Variants in TENM3 observed in about 807,000 individuals in gnomAD.
TENM3 encodes teneurin transmembrane protein 3.
Under a neutral mutation model 255.1 loss-of-function variants are expected in TENM3, and 63 were observed. That is an observed-to-expected ratio of 0.25 (90% confidence interval 0.20 to 0.30). The LOEUF is 0.30. Among genes scored for constraint, TENM3 ranks in the 10% least tolerant of loss-of-function variants. The probability of loss-of-function intolerance (pLI) is 1.00; values close to 1 mark genes in which losing one functional copy is unlikely to be tolerated. For synonymous variants in TENM3, 1,306 were observed against 1,322.3 expected (o/e 0.99, Z 0.27); for missense variants, 2,929 against 3,461.1 (o/e 0.85, Z 3.86).
chr4:181,888,922 C>T, the TENM3 span, among the ~76,000 whole-genome samples: 21 of 151,836 alleles, frequency 1.4e-4, no homozygotes, highest in South Asian at 4.2e-4. Context: ...GATTAGTAGA[C>T]GCCCACCCTC....
At chr4:181,586,272 A>C in the TENM3 span, among the ~76,000 whole-genome samples, 1 of 152,188 alleles carries the variant, frequency 6.6e-6, no homozygotes, top group Non-Finnish European at 1.5e-5. Flanking sequence ...ATAGTGGAAC[A>C]TCCTTAGCAT....
the TENM3 span, among the ~76,000 whole-genome samples, chr4:181,703,456 A>G: frequency 6.6e-6 from 1 of 152,224 alleles, no homozygotes; most frequent in Non-Finnish European, 1.5e-5. Context: ...TAAGAGGGGA[A>G]CTAGATAAGA....
At chr4:182,457,693 G>A (rs1365581900) in intron 3 of TENM3, among the ~76,000 whole-genome samples, 5 of 151,772 alleles carry the variant, frequency 3.3e-5, no homozygotes, top group East Asian at 1.9e-4. Flanking sequence ...CAATGGTTGG[G>A]ACCACAGGTG....
chr4:182,455,862 T>C (rs1773836286), intron 3 of TENM3, among the ~76,000 whole-genome samples: 1 of 152,066 alleles, frequency 6.6e-6, no homozygotes, highest in Non-Finnish European at 1.5e-5. Flanking sequence ...GCACCCGGCC[T>C]TGCACAGCAT....
In TENM3 at chr4:182,621,777, A is replaced by G. The variant is rs1447557070; in HGVS notation, c.750-6874A>G. Among the ~76,000 whole-genome samples, 8 of 76,460 alleles carry G rather than the reference A, an allele frequency of 1.0e-4. 1 individual carries two copies. Among genetic ancestry groups the G allele is most frequent in the African/African-American group, 3.6e-4 (7 of 19,672 alleles). 50.2% of individuals were successfully genotyped at this position (76,460 alleles called of 152,430 possible). A position where few individuals can be genotyped will look rare whatever the true frequency, so the allele number is the denominator to read the frequency against. ...ATAATATATAATAATTATATATTAT[A>G]TATAATTATATATATAATATATAAT... is the stretch of plus-strand genomic sequence containing the variant. On this transcript the variant is annotated intron_variant, in intron 4 of 27. Transcript: ENST00000511685.
At chr4:181,962,609 C>T in the TENM3 span, among the ~76,000 whole-genome samples, 1 of 152,240 alleles carries the variant, frequency 6.6e-6, no homozygotes, top group Non-Finnish European at 1.5e-5. Flanking sequence ...TATTATCTTA[C>T]ATGTGATAAA....
the TENM3 span, among the ~76,000 whole-genome samples, chr4:181,741,695 G>A: frequency 3.3e-5 from 5 of 152,224 alleles, no homozygotes; most frequent in Non-Finnish European, 4.4e-5. Context: ...CATTCATTAC[G>A]AAATGGGGCC....
chr4:181,910,950 A>G, the TENM3 span, among the ~76,000 whole-genome samples: 14 of 152,186 alleles, frequency 9.2e-5, no homozygotes, highest in African/African-American at 3.1e-4. Flanking sequence ...TGCTATTATC[A>G]ATGTTGCTGC....
the TENM3 span, among the ~76,000 whole-genome samples, chr4:181,604,222 G>A: frequency 1.2e-4 from 18 of 152,042 alleles, no homozygotes; most frequent in South Asian, 6.2e-4. Context: ...CCGAGATCGC[G>A]CCACAGCACT....
At chr4:181,929,988 A>G in the TENM3 span, among the ~76,000 whole-genome samples, 1 of 152,238 alleles carries the variant, frequency 6.6e-6, no homozygotes, top group African/African-American at 2.4e-5. Flanking sequence ...GAACAAAGAT[A>G]CAATGTACTA....
chr4:182,082,254 C>T, the TENM3 span, among the ~76,000 whole-genome samples: 5 of 152,160 alleles, frequency 3.3e-5, no homozygotes, highest in Non-Finnish European at 5.9e-5. Flanking sequence ...CATGTCCTCA[C>T]ATGGCAGAAA....
At chr4:182,454,282 CTGAT>C (rs372108042) in intron 3 of TENM3, among the ~76,000 whole-genome samples, 7 of 152,226 alleles carry the variant, frequency 4.6e-5, no homozygotes, top group African/African-American at 1.7e-4. Context: ...ATTATTTCCT[CTGAT>C]TGTAGATCGT....
the TENM3 span, among the ~76,000 whole-genome samples, chr4:181,676,618 T>A: frequency 6.6e-6 from 1 of 152,106 alleles, no homozygotes; most frequent in African/African-American, 2.4e-5. Context: ...GGATCATATC[T>A]TCATTACTAA....
intron 23 of TENM3, 29 bp from the exon 24 acceptor site, chr4:182,774,889 G>C (rs1395582924): frequency 6.6e-7 from 1 of 1,511,900 alleles, no homozygotes; most frequent in Non-Finnish European, 9.1e-7. Context: ...ATATCTAATA[G>C]TTCATGTTTT....
chr4:182,161,957 GTGTATATATATATA>G (rs1224726814), intron 1 of TENM3, among the ~76,000 whole-genome samples: 7,701 of 43,876 alleles, frequency 0.18, 1,324 homozygotes, highest in Admixed American at 0.36. Context: ...GTGTGTGTGT[GTGTATATATATATA>G]TATATATATA....
At chr4:182,414,574 A>C in intron 3 of TENM3, among the ~76,000 whole-genome samples, 1 of 152,218 alleles carries the variant, frequency 6.6e-6, no homozygotes, top group East Asian at 1.9e-4. Context: ...TCCAAAAATT[A>C]CCATAGCAGT....
At chr4:182,107,002 G>A in the TENM3 span, among the ~76,000 whole-genome samples, 15 of 152,164 alleles carry the variant, frequency 9.9e-5, no homozygotes, top group East Asian at 1.9e-4. Context: ...CTTACCTCCC[G>A]TCAAATGCCT....
rs1753522562 is a variant in TENM3, at chr4:182,653,717, C to T, written c.989-54C>T. The stretch of plus-strand genomic sequence containing the variant: ...TTGTTTTAAACATGCTTAGCAATTG[C>T]CGTTGTAGCTGAAGGCAGCAGATCT... On this transcript the variant is annotated intron_variant, in intron 5 of 27. Coordinates refer to ENST00000511685, the MANE Select transcript of TENM3 (RefSeq NM_001080477.4). 3.3e-6 allele frequency: 5 copies of T among 1,527,420 alleles called. No individual in the cohort carries two copies. The South Asian group carries it at 6.4e-5, about 20-fold the overall frequency. 94.6% of individuals were successfully genotyped at this position (1,527,420 alleles called of 1,614,324 possible).
the TENM3 span, among the ~76,000 whole-genome samples, chr4:181,990,572 A>C: frequency 1.6e-4 from 24 of 152,218 alleles, no homozygotes; most frequent in African/African-American, 4.8e-4. Context: ...TGGGAGTGAT[A>C]TGGAGCCCCT....
Sources: gnomAD v4.1 joint callset for allele counts (sites outside exome capture counted in the v4.1 genomes callset) on GRCh38, gnomAD v4.1.1 for gene constraint, MANE v1.5 for transcripts, NCBI Gene and HGNC (gene_info 2026-07-23, HGNC 2026-07-21) for gene names.